Variants in CADPS observed in about 807,000 individuals in gnomAD.
CADPS encodes the protein calcium dependent secretion activator.
A neutral mutation model predicts 167.3 loss-of-function variants in CADPS; 57 were observed. That is an observed-to-expected ratio of 0.34 (90% CI 0.28 to 0.42). CADPS has a LOEUF of 0.42. CADPS is among the 20% of genes least tolerant of loss of function. The pLI, the probability that CADPS is intolerant of heterozygous loss-of-function variation, is 1.00. For missense variants in CADPS, 1,414 were observed against 1,738.1 expected, an observed-to-expected ratio of 0.81 and a Z score of 3.32; for synonymous variants, 676 against 635.3, an observed-to-expected ratio of 1.06 and a Z score of -0.96.
chr3:62,621,022 G>A (rs1220747484), intron 6 of CADPS, among the ~76,000 whole-genome samples: 1 of 152,190 alleles, frequency 6.6e-6, no homozygotes, highest in Non-Finnish European at 1.5e-5. Flanking sequence ...AAGTGAGAAG[G>A]TTGGACAGGA....
rs2085256424 is a variant in CADPS at position 62,760,942 on chromosome 3, T to A, written c.555+4929A>T. ...TCATTACATAGTTGCAGTGGGATTG[T>A]CAATTGTAGGACTTTGTCCTTCTTT... On this transcript the variant is annotated intron_variant, in intron 2 of 29. Coordinates refer to ENST00000383710, the MANE Select transcript of CADPS (RefSeq NM_003716.4). Among the ~76,000 whole-genome samples the A allele has an allele frequency of 2.6e-5, 4 of 152,198 alleles. No individual in the cohort carries two copies. The South Asian group carries it at 8.3e-4, about 31-fold the overall frequency.
chr3:62,854,055 G>T (rs139631434), intron 1 of CADPS, among the ~76,000 whole-genome samples: 1 of 152,014 alleles, frequency 6.6e-6, no homozygotes, highest in Non-Finnish European at 1.5e-5. Flanking sequence ...ACCTACTGCC[G>T]CTCCATTCCC....
At chr3:62,493,530 T>G (rs2064100019) in intron 19 of CADPS, 115 bp downstream of exon 19, 1 of 739,734 alleles carries the variant, frequency 1.4e-6, no homozygotes, top group Non-Finnish European at 2.2e-6. Flanking sequence ...AAAGGGTTTG[T>G]TCAATGGCCA....
intron 9 of CADPS, among the ~76,000 whole-genome samples, chr3:62,566,439 C>T (rs988420792): frequency 5.9e-5 from 9 of 152,004 alleles, no homozygotes; most frequent in African/African-American, 2.2e-4. Context: ...CAACCTGAGA[C>T]ATTTTAGCTT....
At chr3:62,617,310 G>C (rs1265568335) in intron 6 of CADPS, among the ~76,000 whole-genome samples, 3 of 152,120 alleles carry the variant, frequency 2.0e-5, no homozygotes, top group Non-Finnish European at 4.4e-5. Context: ...ACCCATTACT[G>C]GGGGTAAGGG....
chr3:62,802,982 G>A (rs2093863748), intron 1 of CADPS, among the ~76,000 whole-genome samples: 1 of 152,166 alleles, frequency 6.6e-6, no homozygotes, highest in Admixed American at 6.6e-5. Flanking sequence ...ACCTAGTAGT[G>A]CTGAGTAGGC....
intron 1 of CADPS, among the ~76,000 whole-genome samples, chr3:62,813,971 C>A (rs180678563): frequency 6.6e-6 from 1 of 152,092 alleles, no homozygotes; most frequent in Non-Finnish European, 1.5e-5. Context: ...AACTTTTCAA[C>A]GACAGACAGT....
At chr3:62,586,679 A>G (rs2084714032) in intron 7 of CADPS, among the ~76,000 whole-genome samples, 1 of 152,234 alleles carries the variant, frequency 6.6e-6, no homozygotes, top group Non-Finnish European at 1.5e-5. Flanking sequence ...TGATTGAAAT[A>G]CAGAAAAGCC....
intron 1 of CADPS, among the ~76,000 whole-genome samples, chr3:62,851,388 G>A (rs1479777493): frequency 1.0e-4 from 14 of 137,904 alleles, no homozygotes; most frequent in Admixed American, 9.4e-4. Context: ...GTTACATTTT[G>A]GCATGATTTT....
At chr3:62,836,176 G>T (rs2075860296) in intron 1 of CADPS, among the ~76,000 whole-genome samples, 1 of 152,164 alleles carries the variant, frequency 6.6e-6, no homozygotes, top group African/African-American at 2.4e-5. Flanking sequence ...TGCAGCTAAG[G>T]TTGAGACTCA....
At chr3:62,595,044 T>G (rs972619916) in intron 6 of CADPS, among the ~76,000 whole-genome samples, 1 of 152,198 alleles carries the variant, frequency 6.6e-6, no homozygotes, top group Admixed American at 6.5e-5. Flanking sequence ...TTTTGTAAAT[T>G]ATGGAAACCT....
At chr3:62,699,623 C>T (rs753935387) in intron 3 of CADPS, among the ~76,000 whole-genome samples, 1 of 152,146 alleles carries the variant, frequency 6.6e-6, no homozygotes. Flanking sequence ...GGCTGGAGTG[C>T]AGTGGTGCCA....
intron 16 of CADPS, chr3:62,513,730 C>T (rs2068369991): frequency 6.6e-7 from 1 of 1,517,964 alleles, no homozygotes; most frequent in Non-Finnish European, 9.0e-7. Flanking sequence ...TTTGGGCATG[C>T]AAGAGGCTTA....
chr3:62,532,393 C>T (rs1483812078), intron 13 of CADPS, among the ~76,000 whole-genome samples: 1 of 152,156 alleles, frequency 6.6e-6, no homozygotes, highest in African/African-American at 2.4e-5. Context: ...GAGTGACTGA[C>T]ACTAAGGAAG....
intron 6 of CADPS, among the ~76,000 whole-genome samples, chr3:62,600,743 G>A (rs181120901): frequency 8.5e-4 from 129 of 152,288 alleles, no homozygotes; most frequent in African/African-American, 2.8e-3. Flanking sequence ...GAGATGCCCC[G>A]TGCAGAAATA....
intron 6 of CADPS, among the ~76,000 whole-genome samples, chr3:62,641,249 CT>C (rs1236921469): frequency 6.6e-6 from 1 of 152,150 alleles, no homozygotes; most frequent in Admixed American, 6.5e-5. Flanking sequence ...GGCTCTGAGA[CT>C]GAGACCTGTG....
In CADPS at chr3:62,600,045, T is replaced by C. The variant is rs969142949; in HGVS notation, c.1326-7297A>G. ...GAAAGCAACAAATTCAGAATAACCA[T>C]GTCACTAAATTCAGGGGATTGTAGA... On this transcript the variant is annotated intron_variant, in intron 6 of 29. Transcript: ENST00000383710. Among the ~76,000 whole-genome samples the C allele has an allele frequency of 2.1e-5, 3 of 143,986 alleles. No homozygotes were observed. The East Asian group carries it at 6.1e-4, about 29-fold the overall frequency. The allele number at this position is 143,986 out of a possible 152,430, so 94.5% of individuals were successfully genotyped here. A position where few individuals can be genotyped will look rare whatever the true frequency, so the allele number is the denominator to read the frequency against.
At chr3:62,808,237 G>T (rs568341102) in intron 1 of CADPS, among the ~76,000 whole-genome samples, 93 of 44,584 alleles carry the variant, frequency 2.1e-3, no homozygotes, top group Non-Finnish European at 2.4e-3. Context: ...ATATCTAAAT[G>T]GAATAAAAAT....
chr3:62,472,315 G>A (rs2060723652), intron 24 of CADPS, among the ~76,000 whole-genome samples: 1 of 152,132 alleles, frequency 6.6e-6, no homozygotes, highest in African/African-American at 2.4e-5. Flanking sequence ...CTACAAAATT[G>A]TACATGTTAA....
Sources: allele counts gnomAD v4.1 joint callset (sites outside exome capture counted in the v4.1 genomes callset), GRCh38; gene constraint gnomAD v4.1.1; transcripts MANE v1.5; gene names NCBI Gene and HGNC (gene_info 2026-07-23, HGNC 2026-07-21).